The following SLC4A10 variants were observed in gnomAD, a reference collection of about 807,000 sequenced individuals.
The protein encoded by SLC4A10 is sodium-driven chloride bicarbonate exchanger.
In SLC4A10, 42 loss-of-function variants were observed where a neutral mutation model predicts 137.7. The observed-to-expected ratio is 0.30, with a 90% confidence interval of 0.24 to 0.39. The LOEUF (loss-of-function observed/expected upper bound fraction) is 0.39. Ranked by LOEUF, SLC4A10 falls within the 10% of genes least tolerant of loss-of-function variation. SLC4A10 has a pLI of 1.00. For missense variants in SLC4A10, 925 were observed against 1,355.0 expected (o/e 0.68, Z 4.98); for synonymous variants, 474 against 464.1 (o/e 1.02, Z -0.27).
At chr2:161,661,869 G>A (rs1266017068) in intron 1 of SLC4A10, among the ~76,000 whole-genome samples, 1 of 152,098 alleles carries the variant, frequency 6.6e-6, no homozygotes, top group Non-Finnish European at 1.5e-5. Context: ...GAATATTTTA[G>A]TACATTAGGC....
At chr2:161,906,725 A>T (rs1209531207) in intron 15 of SLC4A10, among the ~76,000 whole-genome samples, 2 of 152,150 alleles carry the variant, frequency 1.3e-5, no homozygotes, top group Non-Finnish European at 2.9e-5. Flanking sequence ...AATATTTTTT[A>T]ATCTTTATTT....
intron 10 of SLC4A10, among the ~76,000 whole-genome samples, chr2:161,885,487 A>G (rs151055719): frequency 1.3e-5 from 2 of 152,214 alleles, no homozygotes; most frequent in East Asian, 3.9e-4. Flanking sequence ...GTATTTTTAG[A>G]CTTATTATGA....
intron 1 of SLC4A10, among the ~76,000 whole-genome samples, chr2:161,767,194 GTGTGTGTGTATATATATATACACATA>G (rs1559203411): frequency 8.8e-6 from 1 of 113,158 alleles, no homozygotes; most frequent in African/African-American, 3.2e-5. Flanking sequence ...GTGTGTGTGT[GTGTGTGTGTATATATATATACACATA>G]TATATATATA....
chr2:161,747,651 C>CT (rs890476620), intron 1 of SLC4A10, among the ~76,000 whole-genome samples: 17 of 152,058 alleles, frequency 1.1e-4, no homozygotes, highest in Admixed American at 3.9e-4. Flanking sequence ...TCTCCCCCAC[C>CT]TTTTTTTTCC....
chr2:161,897,305 T>C (rs1334232194), intron 11 of SLC4A10, among the ~76,000 whole-genome samples: 2 of 152,126 alleles, frequency 1.3e-5, no homozygotes, highest in Non-Finnish European at 2.9e-5. Flanking sequence ...GCCACCTCTA[T>C]GCCTACTGAA....
chr2:161,903,136 T>TA (rs956123037), intron 12 of SLC4A10, among the ~76,000 whole-genome samples: 3 of 152,148 alleles, frequency 2.0e-5, no homozygotes, highest in African/African-American at 4.8e-5. Context: ...CTTATAGATT[T>TA]AAAAAAAGAT....
At chr2:161,625,066 CGTGTGT>C (rs5835872) in intron 1 of SLC4A10, among the ~76,000 whole-genome samples, 7,726 of 144,202 alleles carry the variant, frequency 0.054, 291 homozygotes, top group African/African-American at 0.1. Context: ...ACAGAAGGAT[CGTGTGT>C]GTGTGTGTGT....
chr2:161,938,000 C>T (rs1254984049), intron 15 of SLC4A10, among the ~76,000 whole-genome samples: 2 of 152,116 alleles, frequency 1.3e-5, no homozygotes, highest in African/African-American at 2.4e-5. Context: ...AGGCCAGGTA[C>T]GGTGGCTCAT....
intron 1 of SLC4A10, among the ~76,000 whole-genome samples, chr2:161,704,815 TCTA>T (rs894494038): frequency 5.3e-5 from 8 of 151,728 alleles, no homozygotes; most frequent in Admixed American, 4.0e-4. Context: ...TCTTATTGTT[TCTA>T]CTTTTTCTTT....
At chr2:161,648,283 A>G (rs1300017225) in intron 1 of SLC4A10, among the ~76,000 whole-genome samples, 1 of 152,158 alleles carries the variant, frequency 6.6e-6, no homozygotes, top group Non-Finnish European at 1.5e-5. Flanking sequence ...ACTTTTCAAA[A>G]TAGATAATCT....
At chr2:161,882,603 T>A (rs2061886529) in intron 10 of SLC4A10, among the ~76,000 whole-genome samples, 159 bp downstream of exon 10, 1 of 152,078 alleles carries the variant, frequency 6.6e-6, no homozygotes, top group Non-Finnish European at 1.5e-5. Flanking sequence ...GAAAAATGTT[T>A]CCCAAAGGGA....
intron 2 of SLC4A10, among the ~76,000 whole-genome samples, chr2:161,799,127 T>A (rs2055102549): frequency 1.3e-5 from 2 of 151,640 alleles, no homozygotes; most frequent in African/African-American, 4.8e-5. Context: ...AATTTTGGAT[T>A]TTTTGCATTA....
chr2:161,833,656 C>A (rs896215544), intron 3 of SLC4A10, among the ~76,000 whole-genome samples: 13 of 152,176 alleles, frequency 8.5e-5, no homozygotes, highest in African/African-American at 3.1e-4. Context: ...ATTCTAGACA[C>A]ACCATGTGAC....
chr2:161,877,280 A>C (rs1164726272), intron 8 of SLC4A10, among the ~76,000 whole-genome samples: 4 of 152,222 alleles, frequency 2.6e-5, no homozygotes, highest in Middle Eastern at 3.4e-3. Flanking sequence ...AATATAATTC[A>C]TATTATCAAT....
intron 15 of SLC4A10, among the ~76,000 whole-genome samples, chr2:161,939,631 C>T (rs1166113229): frequency 2.0e-5 from 3 of 152,090 alleles, no homozygotes; most frequent in Admixed American, 6.6e-5. Context: ...CTTCTACCTC[C>T]CCACCCCCAA....
chr2:161,808,189 A>C (rs1559295275), intron 3 of SLC4A10, among the ~76,000 whole-genome samples: 1 of 152,010 alleles, frequency 6.6e-6, no homozygotes, highest in Non-Finnish European at 1.5e-5. Flanking sequence ...CCTATTTTCT[A>C]TTATTTTCTC....
intron 1 of SLC4A10, among the ~76,000 whole-genome samples, chr2:161,661,773 T>C (rs2038432365): frequency 6.6e-6 from 1 of 152,196 alleles, no homozygotes; most frequent in Non-Finnish European, 1.5e-5. Context: ...AACTGCATAG[T>C]TAACATTATT....
intron 15 of SLC4A10, among the ~76,000 whole-genome samples, chr2:161,921,262 C>G (rs1688077211): frequency 1.3e-5 from 2 of 152,168 alleles, no homozygotes; most frequent in African/African-American, 4.8e-5. Flanking sequence ...TTCCCACATG[C>G]AGATCATCAC....
rs146353175 is a variant in SLC4A10 at position 161,853,489 on chromosome 2, A to C, written c.417-1481A>C. Among the ~76,000 whole-genome samples the C allele has an allele frequency of 3.1e-3, 471 of 152,216 alleles. 1 individual carries two copies. Among genetic ancestry groups the C allele is most frequent in the Non-Finnish European group, 4.6e-3 (313 of 68,000 alleles). ...TCCAGATTTAATCACAGACACATGG[A>C]CTCACCCAATTAAAAGGGAGCCAGG... On this transcript the variant is annotated intron_variant, in intron 4 of 26. Coordinates refer to ENST00000446997, the MANE Select transcript of SLC4A10 (RefSeq NM_001178015.2).
Sources: gnomAD v4.1 joint callset for allele counts (sites outside exome capture counted in the v4.1 genomes callset) on GRCh38, gnomAD v4.1.1 for gene constraint, MANE v1.5 for transcripts, NCBI Gene and HGNC (gene_info 2026-07-23, HGNC 2026-07-21) for gene names.